The following RAB33A variants were observed in gnomAD, a reference collection of about 807,000 sequenced individuals.
The protein encoded by RAB33A is RAB33A, member RAS oncogene family.
A neutral mutation model predicts 12.0 loss-of-function variants in RAB33A; 6 were observed. The ratio of observed to expected loss-of-function variants is 0.50; its 90% CI spans 0.27 to 0.99. The LOEUF is 0.99. Among genes scored for constraint, RAB33A ranks in the 50% least tolerant of loss-of-function variants. RAB33A has a pLI of 0.11. For synonymous variants in RAB33A, 70 were observed against 82.4 expected, an observed-to-expected ratio of 0.85 and a Z score of 0.81; for missense variants, 109 against 192.0, an observed-to-expected ratio of 0.57 and a Z score of 2.55.
the RAB33A span, chrX:130,129,594 T>C: frequency 9.1e-6 from 11 of 1,211,143 alleles, no homozygotes; most frequent in Middle Eastern, 2.3e-4. Flanking sequence ...GGCTACTTCA[T>C]TGAGATCTTC....
the RAB33A span, chrX:130,156,443 C>G: frequency 8.3e-7 from 1 of 1,210,556 alleles, no homozygotes; most frequent in Non-Finnish European, 1.1e-6. Flanking sequence ...TCTTTATACA[C>G]GCTGCTTTTC....
intron 1 of RAB33A, among the ~76,000 whole-genome samples, chrX:130,175,042 G>A (rs2031650156): frequency 9.0e-6 from 1 of 111,425 alleles, no homozygotes; most frequent in South Asian, 3.7e-4. Context: ...TAAGCAAAGA[G>A]CCCAGGCTAG....
chrX:130,131,884 T>C, the RAB33A span: 1 of 1,142,865 alleles, frequency 8.7e-7, no homozygotes, highest in Non-Finnish European at 1.2e-6. Flanking sequence ...TGCATTTTTT[T>C]TTTTTTGAGA....
At chrX:130,165,406 C>G in the RAB33A span, 1 of 540,096 alleles carries the variant, frequency 1.9e-6, no homozygotes, top group South Asian at 2.6e-5. Context: ...TTGCAAGACT[C>G]AGGGTTCGGA....
chrX:130,155,381 T>C, the RAB33A span: 2 of 1,061,166 alleles, frequency 1.9e-6, no homozygotes, highest in Non-Finnish European at 2.6e-6. Context: ...AGAAGCAGTT[T>C]TGGTTACCCT....
the RAB33A span, among the ~76,000 whole-genome samples, chrX:130,158,386 A>G: frequency 1.2e-4 from 14 of 112,473 alleles, no homozygotes; most frequent in South Asian, 4.8e-3. Context: ...GCAGACCCCG[A>G]TCTAGAGCAG....
At chrX:130,157,339 T>A in the RAB33A span, among the ~76,000 whole-genome samples, 8 of 112,319 alleles carry the variant, frequency 7.1e-5, no homozygotes, top group Non-Finnish European at 1.3e-4. Context: ...ATATAAGAGT[T>A]CTGTAGATTT....
At chrX:130,114,291 A>C in the RAB33A span, among the ~76,000 whole-genome samples, 20 of 112,019 alleles carry the variant, frequency 1.8e-4, no homozygotes, top group Admixed American at 1.6e-3. Flanking sequence ...TCTCAGAACT[A>C]ACCACAGCCC....
chrX:130,129,652 G>T, the RAB33A span: 17 of 1,183,864 alleles, frequency 1.4e-5, no homozygotes, highest in Non-Finnish European at 2.0e-5. Context: ...AGTAACAATA[G>T]GTCCCTAACT....
At position 130,172,082 on chromosome X, in the gene RAB33A, G is replaced by A. The variant is rs1411939732; in HGVS notation, c.20G>A (p.Gly7Asp). 8.3e-7 allele frequency: 1 copy of A among 1,209,962 alleles called. No individual in the cohort carries two copies. Residue 7 changes from glycine to aspartate, a missense_variant, in exon 1 of 2, where the codon GGC becomes GAC. Coordinates refer to ENST00000257017, the MANE Select transcript of RAB33A (RefSeq NM_004794.3). ...GGGGAGATGGCGCAGCCCATCCTGGGCCATGGGAGCCTGCAGCCCGCCTCG... is the reference window on the plus strand; with the variant it reads ...GGGGAGATGGCGCAGCCCATCCTGGACCATGGGAGCCTGCAGCCCGCCTCG... The part of the protein sequence containing the change: MAQPIL[G>D]HGSLQPASAA...
the RAB33A span, among the ~76,000 whole-genome samples, chrX:130,125,670 T>C: frequency 9.0e-6 from 1 of 110,600 alleles, no homozygotes. Context: ...GAGAGTTCCT[T>C]TGTATAAATG....
intron 1 of RAB33A, among the ~76,000 whole-genome samples, 191 bp downstream of exon 1, chrX:130,172,511 T>C (rs1251428749): frequency 8.9e-6 from 1 of 111,797 alleles, no homozygotes. Context: ...CTTCACTCAG[T>C]TTTTTAGGGC....
the RAB33A span, among the ~76,000 whole-genome samples, chrX:130,124,633 T>C: frequency 8.9e-6 from 1 of 112,418 alleles, no homozygotes; most frequent in Non-Finnish European, 1.9e-5. Context: ...GTGTCCAAAT[T>C]GTCAACCCCT....
At chrX:130,153,590 T>C in the RAB33A span, among the ~76,000 whole-genome samples, 90 of 111,202 alleles carry the variant, frequency 8.1e-4, no homozygotes, top group Non-Finnish European at 1.5e-3. Flanking sequence ...TATTTGGCAA[T>C]GGGGCATTGG....
At chrX:130,151,143 TTTTC>T in the RAB33A span, among the ~76,000 whole-genome samples, 2 of 107,504 alleles carry the variant, frequency 1.9e-5, no homozygotes, top group African/African-American at 3.5e-5. Context: ...AAACATATTC[TTTTC>T]TTTTTTTTTT....
At chrX:130,170,965 C>T (rs180679976), upstream of RAB33A, among the ~76,000 whole-genome samples, 605 of 112,977 alleles carry the variant, frequency 5.4e-3, 4 homozygotes, top group African/African-American at 0.018. Flanking sequence ...CTCTGTGTGG[C>T]CCTCTCCCGC....
the RAB33A span, among the ~76,000 whole-genome samples, chrX:130,135,746 G>A: frequency 8.9e-6 from 1 of 111,991 alleles, no homozygotes; most frequent in Non-Finnish European, 1.9e-5. Flanking sequence ...TCCATCTGAA[G>A]GCTTATGTGC....
intron 1 of RAB33A, among the ~76,000 whole-genome samples, chrX:130,179,702 C>T (rs1459838772): frequency 2.0e-5 from 2 of 100,236 alleles, no homozygotes; most frequent in African/African-American, 3.7e-5. Context: ...CACAGTCAGA[C>T]GTTCTCTCTG....
the RAB33A span, chrX:130,165,678 C>T: frequency 7.0e-6 from 8 of 1,141,480 alleles, no homozygotes; most frequent in Admixed American, 1.9e-4. Flanking sequence ...CTATTCGGGA[C>T]CTCCTCCTTC....
Sources: allele counts gnomAD v4.1 joint callset (sites outside exome capture counted in the v4.1 genomes callset), GRCh38; gene constraint gnomAD v4.1.1; transcripts MANE v1.5; gene names NCBI Gene and HGNC (gene_info 2026-07-23, HGNC 2026-07-21).